Variants in USP16 observed in about 807,000 individuals in gnomAD.
USP16 encodes ubiquitin specific peptidase 16, also known as ubiquitin carboxyl-terminal hydrolase 16.
Under a neutral mutation model 95.9 loss-of-function variants are expected in USP16, and 77 were observed. That is an observed-to-expected ratio of 0.80 (90% CI 0.67 to 0.97). USP16 has a LOEUF of 0.97. USP16 is among the 50% of genes least tolerant of loss of function. The pLI is 0.00. For synonymous variants in USP16, 303 were observed against 318.2 expected (o/e 0.95, Z 0.51); for missense variants, 943 against 959.9 (o/e 0.98, Z 0.23).
At position 29,024,951 on chromosome 21, in the gene USP16, A is replaced by C. The variant is rs1395673082; in HGVS notation, c.-42+174A>C. On this transcript the variant is annotated intron_variant, in intron 1 of 17. Coordinates refer to ENST00000399976, the MANE Select transcript of USP16 (RefSeq NM_006447.3). ...ATTGGCTGCATGTTCTGTCAGTTCC[A>C]GAAGCTGGCCAATGAGATGCCGCTG... 3 of 653,602 alleles carry C rather than the reference A, an allele frequency of 4.6e-6. No individual in the cohort carries two copies. In the East Asian group the frequency reaches 2.4e-4, roughly 53 times the overall value. 40.5% of individuals were successfully genotyped at this position (653,602 alleles called of 1,614,324 possible). A position where few individuals can be genotyped will look rare whatever the true frequency, so the allele number is the denominator to read the frequency against.
chr21:29,031,882 A>G (rs941188087), intron 3 of USP16, among the ~76,000 whole-genome samples: 5 of 152,246 alleles, frequency 3.3e-5, no homozygotes, highest in Non-Finnish European at 4.4e-5. Context: ...CAAAATGAGT[A>G]TAATATCACA....
chr21:29,039,212 T>G, intron 8 of USP16, 56 bp downstream of exon 8: 1 of 1,331,760 alleles, frequency 7.5e-7, no homozygotes, highest in East Asian at 3.0e-5. Flanking sequence ...TGAGAAATAA[T>G]ATTAATATTA....
Position 29,046,854 on chromosome 21 carries a change from T to A in USP16, c.1544T>A (p.Leu515Ter). 1 of 1,614,108 alleles carries A rather than the reference T, an allele frequency of 6.2e-7. No individual in the cohort carries two copies. The highest frequency in any genetic ancestry group is 1.1e-5 in the South Asian group (1 of 91,080). Residue 515 changes from leucine to a stop codon, truncating the protein, a stop_gained, in exon 14 of 18, where the codon TTG (leucine) becomes TAG (stop). Transcript: ENST00000399976. LOFTEE classifies it high-confidence loss of function. ...GAATATTGTGTCAACCAGAAAGATT[T>A]GAATGGCCAAGCAAAAATGATCGAA... Reference protein sequence around the residue: ...HKEYCVNQKDLNGQAKMIESV... With the variant: ...HKEYCVNQKD
chr21:29,053,753 T>G (rs2085451823), intron 16 of USP16, 49 bp from the exon 17 acceptor site: 1 of 1,577,112 alleles, frequency 6.3e-7, no homozygotes, highest in Non-Finnish European at 8.6e-7. Flanking sequence ...CCATGACATC[T>G]GTGTAAATGG....
At position 29,043,426 on chromosome 21, in the gene USP16, G is replaced by A. The variant is rs1325801229; in HGVS notation, c.1183G>A (p.Gly395Ser). Reference sequence around the variant, plus strand: ...CCTATGTTATCTATATTTTAAGAGTGGTAAGAAAAGTGTAAATGATAAAAA... The same window carrying A: ...CCTATGTTATCTATATTTTAAGAGTAGTAAGAAAAGTGTAAATGATAAAAA... ...LSLPVLDDQS[G>S]KKSVNDKNLK... Residue 395 changes from glycine (G) to serine (S), a missense_variant, in exon 13 of 18, where the codon GGT becomes AGT. Gly to Ser is a moderately conservative substitution (Grantham distance 56, BLOSUM62 0). Transcript: ENST00000399976. The A allele has an allele frequency of 2.1e-5, 31 of 1,508,148 alleles. No individual in the cohort carries two copies. The highest frequency in any genetic ancestry group is 2.4e-5 in the East Asian group (1 of 41,090). 93.4% of individuals were successfully genotyped at this position (1,508,148 alleles called of 1,614,324 possible).
intron 5 of USP16, among the ~76,000 whole-genome samples, chr21:29,036,676 C>T (rs939063501): frequency 1.3e-5 from 2 of 152,180 alleles, no homozygotes; most frequent in African/African-American, 4.8e-5. Flanking sequence ...TACTGTCGTA[C>T]ATTTTGTAAT....
At chr21:29,045,874 C>T (rs973111351) in intron 13 of USP16, among the ~76,000 whole-genome samples, 5 of 151,662 alleles carry the variant, frequency 3.3e-5, no homozygotes, top group African/African-American at 7.3e-5. Flanking sequence ...GGTGTGGTCT[C>T]GGCTCACTGC....
At chr21:29,030,041 C>T (rs2085055046) in intron 2 of USP16, among the ~76,000 whole-genome samples, 1 of 151,962 alleles carries the variant, frequency 6.6e-6, no homozygotes, top group African/African-American at 2.4e-5. Flanking sequence ...GATGTTACCT[C>T]CCCTGTGAAA....
At position 29,025,025 on chromosome 21, in the gene USP16, G is replaced by A. The variant is rs147992331; in HGVS notation, c.-42+248G>A. The A allele has an allele frequency of 1.2e-3, 375 of 315,114 alleles. 1 individual carries two copies. The highest frequency in any genetic ancestry group is 7.8e-3 in the African/African-American group (355 of 45,756). The allele number at this position is 315,114 out of a possible 1,614,324, so 19.5% of individuals were successfully genotyped here. A position where few individuals can be genotyped will look rare whatever the true frequency, so the allele number is the denominator to read the frequency against. ...GACCCAGAGGTTCCCCCGTGGGATC[G>A]GAGCAGTTAGAAGGGGAGGAGAGGG... On this transcript the variant is annotated intron_variant, in intron 1 of 17. Transcript: ENST00000399976.
At position 29,038,357 on chromosome 21, in the gene USP16, T is replaced by C; in HGVS notation, c.659T>C (p.Leu220Pro). ...VMQNLSQTPV[L>P]RELLKEVKMS... ...TAGAACTTGTCACAAACACCAGTGC[T>C]TAGAGAACTACTAAAAGAAGTGAAA... Residue 220 changes from leucine to proline, a missense_variant, in exon 7 of 18, where the codon CTT (leucine) becomes CCT (proline). Physicochemically the swap from Leu to Pro is moderately conservative, Grantham distance 98 (BLOSUM62 -3). Transcript: ENST00000399976. 1 of 1,612,614 alleles carries C rather than the reference T, an allele frequency of 6.2e-7. No individual in the cohort carries two copies.
intron 3 of USP16, among the ~76,000 whole-genome samples, chr21:29,032,900 G>C (rs1411885945): frequency 6.6e-6 from 1 of 152,136 alleles, no homozygotes; most frequent in Non-Finnish European, 1.5e-5. Flanking sequence ...AGCAGTGTAT[G>C]AATGATTCAC....
chr21:29,030,564 T>A, intron 2 of USP16, 31 bp from the exon 3 acceptor site: 1 of 1,526,866 alleles, frequency 6.5e-7, no homozygotes, highest in Non-Finnish European at 8.8e-7. Context: ...TTTGACCTTA[T>A]ATATTCCTTG....
intron 1 of USP16, 120 bp downstream of exon 1, chr21:29,024,897 A>G (rs1024638752): frequency 4.0e-5 from 42 of 1,058,674 alleles, no homozygotes; most frequent in Admixed American, 1.2e-4. Context: ...TAAGCACGTA[A>G]CCCGGCTACT....
Position 29,054,292 on chromosome 21 carries a change from A to G in USP16, c.*105A>G. On this transcript the variant is annotated 3_prime_UTR_variant, in exon 18 of 18. Transcript: ENST00000399976. ...AAATCATGTTCACTTAACATTAAAT[A>G]CATGCCAGAAGAAATCATGTTTATT... The G allele has an allele frequency of 7.6e-7, 1 of 1,320,258 alleles. No individual in the cohort carries two copies. The highest frequency in any genetic ancestry group is 2.5e-5 in the Admixed American group (1 of 40,600). 81.8% of individuals were successfully genotyped at this position (1,320,258 alleles called of 1,614,324 possible).
intron 3 of USP16, among the ~76,000 whole-genome samples, chr21:29,031,629 G>A (rs1179507923): frequency 6.6e-6 from 1 of 152,166 alleles, no homozygotes; most frequent in Admixed American, 6.5e-5. Context: ...GTAGAGACAG[G>A]GTTTTGCCAT....
At chr21:29,029,367 T>C (rs969490079) in intron 2 of USP16, among the ~76,000 whole-genome samples, 11 of 152,080 alleles carry the variant, frequency 7.2e-5, no homozygotes, top group African/African-American at 2.4e-4. Flanking sequence ...GAGCCGAGAT[T>C]GTGCCACTGC....
intron 1 of USP16, 62 bp downstream of exon 1, chr21:29,024,839 T>C: frequency 8.1e-7 from 1 of 1,229,402 alleles, no homozygotes; most frequent in South Asian, 1.4e-5. Context: ...CTGGGAGAGC[T>C]CCTGTTTTCC....
chr21:29,044,331 T>G (rs2085290087), intron 13 of USP16, among the ~76,000 whole-genome samples: 1 of 152,094 alleles, frequency 6.6e-6, no homozygotes, highest in Admixed American at 6.6e-5. Context: ...AATACAAATA[T>G]GCAGTCTTGG....
At chr21:29,039,316 A>G (rs2085209589) in intron 8 of USP16, among the ~76,000 whole-genome samples, 160 bp downstream of exon 8, 1 of 152,156 alleles carries the variant, frequency 6.6e-6, no homozygotes, top group African/African-American at 2.4e-5. Context: ...TTTAAAATAT[A>G]TTTTATGTGA....
Sources: gnomAD v4.1 joint callset for allele counts (sites outside exome capture counted in the v4.1 genomes callset) on GRCh38, gnomAD v4.1.1 for gene constraint, MANE v1.5 for transcripts, NCBI Gene and HGNC (gene_info 2026-07-23, HGNC 2026-07-21) for gene names.